ZNF609: variants seen among roughly 807,000 people sequenced by gnomAD.
The protein encoded by ZNF609 is zinc finger protein 609.
Under a neutral mutation model 109.5 loss-of-function variants are expected in ZNF609, and 11 were observed. The observed-to-expected ratio is 0.10, with a 90% CI of 0.06 to 0.17. The LOEUF is 0.17. Among genes scored for constraint, ZNF609 ranks in the 10% least tolerant of loss-of-function variants. The pLI, the probability that ZNF609 is intolerant of heterozygous loss-of-function variation, is 1.00. For missense variants in ZNF609, 1,559 were observed against 1,772.4 expected (o/e 0.88, Z 2.16); for synonymous variants, 646 against 662.0 (o/e 0.98, Z 0.37).
intron 4 of ZNF609, chr15:64,671,403 A>G (rs936846147): frequency 1.3e-5 from 2 of 152,010 alleles, no homozygotes; most frequent in East Asian, 3.9e-4. Flanking sequence ...TGTTGAGGGG[A>G]TGCACTTTGA....
chr15:64,665,649 C>T (rs1157882473), intron 3 of ZNF609, among the ~76,000 whole-genome samples: 3 of 152,166 alleles, frequency 2.0e-5, no homozygotes, highest in Non-Finnish European at 4.4e-5. Context: ...GTGGCGCATG[C>T]CTGTAATCCC....
intron 2 of ZNF609, among the ~76,000 whole-genome samples, chr15:64,554,620 T>C (rs1894545708): frequency 6.6e-6 from 1 of 152,084 alleles, no homozygotes. Flanking sequence ...ATAGTGCCAC[T>C]GCATTCCAGA....
intron 2 of ZNF609, among the ~76,000 whole-genome samples, chr15:64,585,078 A>C (rs919681092): frequency 6.6e-5 from 10 of 151,584 alleles, no homozygotes; most frequent in African/African-American, 2.4e-4. Flanking sequence ...TAATCCCAGC[A>C]CTTTGGGAGG....
rs77913654 is a variant in ZNF609, at chr15:64,657,763, G to A, written c.974-12583G>A. On this transcript the variant is annotated intron_variant, in intron 3 of 9. Coordinates refer to ENST00000326648, the MANE Select transcript of ZNF609 (RefSeq NM_015042.2). ...AATGAGGACTTAGACTCTAGTGGTT[G>A]TGGGGATGTGGAGAGGAAGACATTA... 1.2e-4 allele frequency among the ~76,000 whole-genome samples: 19 copies of A among 152,356 alleles called. No individual in the cohort carries two copies. The East Asian group carries it at 2.9e-3, about 23-fold the overall frequency.
chr15:64,583,256 T>C (rs1895142295), intron 2 of ZNF609, among the ~76,000 whole-genome samples: 1 of 150,342 alleles, frequency 6.7e-6, no homozygotes, highest in Admixed American at 6.6e-5. Context: ...GGCAGGAGAA[T>C]GGCGTGAACC....
chr15:64,520,537 C>T (rs2140364074), intron 2 of ZNF609, among the ~76,000 whole-genome samples: 1 of 152,242 alleles, frequency 6.6e-6, no homozygotes, highest in East Asian at 1.9e-4. Context: ...GAGCCAGGCT[C>T]CCTAACCTGT....
chr15:64,683,217 TAA>T lies in ZNF609; in HGVS notation c.*1533_*1534del. 1 of 152,588 alleles carries T rather than the reference TAA, an allele frequency of 6.6e-6. No homozygotes were observed. The highest frequency in any genetic ancestry group is 2.1e-4 in the South Asian group (1 of 4,812). The allele number at this position is 152,588 out of a possible 1,614,324, so 9.5% of individuals were successfully genotyped here. ...GACCCTCTGGATTGAGAGAGAGAGATAAAGACTGACAGACACCAGTGTAGGCT... is the reference window on the plus strand; with the variant it reads ...GACCCTCTGGATTGAGAGAGAGAGATAGACTGACAGACACCAGTGTAGGCT... On this transcript the variant is annotated 3_prime_UTR_variant, in exon 10 of 10. Transcript: ENST00000326648.
intron 2 of ZNF609, among the ~76,000 whole-genome samples, chr15:64,595,604 A>C (rs1895383107): frequency 6.6e-6 from 1 of 152,166 alleles, no homozygotes; most frequent in Non-Finnish European, 1.5e-5. Context: ...TTTCTAGCTG[A>C]ACAAGCCCTA....
intron 3 of ZNF609, among the ~76,000 whole-genome samples, chr15:64,656,798 T>C (rs1401399277): frequency 2.0e-5 from 3 of 149,392 alleles, no homozygotes; most frequent in Non-Finnish European, 4.4e-5. Flanking sequence ...CTTCCTCCCT[T>C]CCTCTTTCTT....
rs1407680311 is a variant in ZNF609, at chr15:64,685,908, A to G, written c.*4222A>G. The G allele has an allele frequency of 2.0e-5, 3 of 152,154 alleles. No homozygotes were observed. In the East Asian group the frequency reaches 5.8e-4, roughly 29 times the overall value. 9.4% of individuals were successfully genotyped at this position (152,154 alleles called of 1,614,324 possible). ...TATACTCTGAAACACAGCCCAACCAAACCATTGTTTGGCCGCTTTCTCTTT... is the reference window on the plus strand; with the variant it reads ...TATACTCTGAAACACAGCCCAACCAGACCATTGTTTGGCCGCTTTCTCTTT... On this transcript the variant is annotated 3_prime_UTR_variant, in exon 10 of 10. Transcript: ENST00000326648.
intron 2 of ZNF609, among the ~76,000 whole-genome samples, chr15:64,568,843 A>T (rs1223871865): frequency 6.6e-6 from 1 of 152,170 alleles, no homozygotes; most frequent in African/African-American, 2.4e-5. Flanking sequence ...TTAGGGTTAG[A>T]CTTCTATGGA....
intron 1 of ZNF609, among the ~76,000 whole-genome samples, chr15:64,480,492 C>T (rs1893237289): frequency 6.6e-6 from 1 of 151,494 alleles, no homozygotes; most frequent in African/African-American, 2.4e-5. Flanking sequence ...GATTCCACCA[C>T]TGCACTCCAG....
rs1896795623 is a variant in ZNF609 at position 64,675,509 on chromosome 15, G to T, written c.2655G>T (p.Gln885His). 6.2e-7 allele frequency: 1 copy of T among 1,614,044 alleles called. No homozygotes were observed. Among genetic ancestry groups the T allele is most frequent in the Admixed American group, 1.7e-5 (1 of 59,994 alleles). ...AAACTCTTTTTCCCCCTCAGCCTCA[G>T]AGCAAAGACTCACCATATTACCAAG... ...AKKTLFPPQPQSKDSPYYQGF... is the reference protein window; with the variant it reads ...AKKTLFPPQPHSKDSPYYQGF... The change falls in exon 5 of 10, where the codon CAG (glutamine) becomes CAT (histidine). Residue 885 changes from glutamine (Q) to histidine (H), a missense_variant. Coordinates refer to ENST00000326648, the MANE Select transcript of ZNF609 (RefSeq NM_015042.2).
At chr15:64,529,229 G>A in intron 2 of ZNF609, 1 of 719,570 alleles carries the variant, frequency 1.4e-6, no homozygotes, top group Non-Finnish European at 2.6e-6. Context: ...AGGCATTGCT[G>A]ACGATCTTGA....
chr15:64,499,319 C>T lies in ZNF609; in HGVS notation c.-101C>T. ...AATGATGTTGTCCACTGGGCATGTA[C>T]TGACCAATGTGGCAGGTCTGAGAAC... On this transcript the variant is annotated 5_prime_UTR_variant, in exon 2 of 10. Transcript: ENST00000326648. The T allele has an allele frequency of 6.8e-7, 1 of 1,479,388 alleles. No homozygotes were observed. The highest frequency in any genetic ancestry group is 9.1e-7 in the Non-Finnish European group (1 of 1,095,276). The allele number at this position is 1,479,388 out of a possible 1,614,324, so 91.6% of individuals were successfully genotyped here. A position where few individuals can be genotyped will look rare whatever the true frequency, so the allele number is the denominator to read the frequency against.
intron 2 of ZNF609, among the ~76,000 whole-genome samples, chr15:64,521,999 A>G (rs1893897579): frequency 2.6e-5 from 4 of 152,198 alleles, no homozygotes; most frequent in African/African-American, 2.4e-5. Context: ...CACTTGGCCA[A>G]CTAATGCTGA....
intron 3 of ZNF609, among the ~76,000 whole-genome samples, chr15:64,666,864 A>G (rs1397020012): frequency 1.3e-5 from 2 of 150,224 alleles, no homozygotes; most frequent in Non-Finnish European, 3.0e-5. Flanking sequence ...GCGGTGGCTC[A>G]TGCCTGTAAT....
intron 2 of ZNF609, among the ~76,000 whole-genome samples, chr15:64,605,863 A>T (rs1895586751): frequency 7.2e-6 from 1 of 138,062 alleles, no homozygotes; most frequent in African/African-American, 2.7e-5. Flanking sequence ...TCTCCTGGAT[A>T]GCTGGGATTA....
intron 2 of ZNF609, among the ~76,000 whole-genome samples, chr15:64,603,829 C>T: frequency 6.6e-6 from 1 of 151,070 alleles, no homozygotes; most frequent in East Asian, 2.0e-4. Context: ...TGAAACCCAT[C>T]TTTACTAAAA....
Sources: gnomAD v4.1 joint callset for allele counts (sites outside exome capture counted in the v4.1 genomes callset) on GRCh38, gnomAD v4.1.1 for gene constraint, MANE v1.5 for transcripts, NCBI Gene and HGNC (gene_info 2026-07-23, HGNC 2026-07-21) for gene names.